The following GRIA3 variants were observed in gnomAD, a reference collection of about 807,000 sequenced individuals.
GRIA3 encodes glutamate ionotropic receptor AMPA type subunit 3.
In GRIA3, 3 loss-of-function variants were observed where a neutral mutation model predicts 63.0. That is an observed-to-expected ratio of 0.05 (90% CI 0.02 to 0.12). The LOEUF is 0.12. Ranked by LOEUF, GRIA3 falls within the 10% of genes least tolerant of loss-of-function variation. GRIA3 has a pLI of 1.00. For missense variants in GRIA3, 347 were observed against 700.9 expected, an observed-to-expected ratio of 0.50 and a Z score of 5.70; for synonymous variants, 274 against 257.9, an observed-to-expected ratio of 1.06 and a Z score of -0.60.
intron 3 of GRIA3, 56 bp from the exon 4 acceptor site, chrX:123,325,970 C>T (rs761157334): frequency 7.6e-5 from 76 of 1,006,173 alleles, no homozygotes; most frequent in Non-Finnish European, 9.5e-5. Context: ...TCAGTAGAAT[C>T]TTTAATACCT....
intron 14 of GRIA3, among the ~76,000 whole-genome samples, chrX:123,480,774 A>T (rs1325449675): frequency 9.0e-6 from 1 of 111,654 alleles, no homozygotes; most frequent in Non-Finnish European, 1.9e-5. Context: ...TCTCTCTTCC[A>T]AAGGTGTCAT....
chrX:123,238,370 A>C (rs1351422308), intron 2 of GRIA3, among the ~76,000 whole-genome samples: 1 of 111,169 alleles, frequency 9.0e-6, no homozygotes, highest in African/African-American at 3.3e-5. Context: ...TGAGAACAGG[A>C]AAAAGAATGA....
chrX:123,189,624 T>C (rs1927374422), intron 2 of GRIA3, among the ~76,000 whole-genome samples: 1 of 112,804 alleles, frequency 8.9e-6, no homozygotes, highest in African/African-American at 3.2e-5. Flanking sequence ...ACAAATGTGC[T>C]TGTGGATTAC....
intron 3 of GRIA3, among the ~76,000 whole-genome samples, chrX:123,320,624 T>C (rs1223638457): frequency 9.0e-6 from 1 of 111,693 alleles, no homozygotes. Flanking sequence ...GGAATTAAGT[T>C]CTGTCCACAC....
At chrX:123,198,328 C>T (rs1927629051) in intron 2 of GRIA3, among the ~76,000 whole-genome samples, 1 of 112,222 alleles carries the variant, frequency 8.9e-6, no homozygotes, top group Non-Finnish European at 1.9e-5. Flanking sequence ...TCAGTTCCAT[C>T]ATCTGTTCAA....
chrX:123,207,472 C>A (rs776154600), intron 2 of GRIA3, among the ~76,000 whole-genome samples: 2 of 111,691 alleles, frequency 1.8e-5, no homozygotes, highest in African/African-American at 3.3e-5. Flanking sequence ...CAGAGAAGAA[C>A]ACAGCCTGGC....
chrX:123,323,237 C>G (rs751957633), intron 3 of GRIA3, among the ~76,000 whole-genome samples: 1 of 111,678 alleles, frequency 9.0e-6, no homozygotes, highest in Non-Finnish European at 1.9e-5. Flanking sequence ...CATATAGAAA[C>G]ATATAGTTTC....
At chrX:123,225,353 T>C (rs1482141081) in intron 2 of GRIA3, among the ~76,000 whole-genome samples, 1 of 112,407 alleles carries the variant, frequency 8.9e-6, no homozygotes, top group South Asian at 3.7e-4. Context: ...ACCCAATAAA[T>C]GATTACTGAA....
intron 5 of GRIA3, among the ~76,000 whole-genome samples, chrX:123,379,010 G>A (rs73630705): frequency 0.021 from 2,346 of 110,172 alleles, 74 homozygotes; most frequent in African/African-American, 0.071. Flanking sequence ...ATTGTTGAAG[G>A]TTATTTTTGT....
chrX:123,340,296 C>G lies in GRIA3; in HGVS notation c.696+14083C>G, dbSNP rs181079132. The stretch of plus-strand genomic sequence containing the variant: ...GTTAATATTACTTCCCACCCTTCTT[C>G]CCAGTTTTTGGAGTCCTTTCCTTTC... On this transcript the variant is annotated intron_variant, in intron 4 of 15. Transcript: ENST00000620443. Among the ~76,000 whole-genome samples, 19 of 112,770 alleles carry G rather than the reference C, an allele frequency of 1.7e-4. No homozygotes were observed. In the East Asian group the frequency reaches 5.3e-3, roughly 31 times the overall value.
chrX:123,315,026 C>T (rs924986293), intron 3 of GRIA3, among the ~76,000 whole-genome samples: 11 of 111,427 alleles, frequency 9.9e-5, no homozygotes, highest in South Asian at 3.8e-4. Context: ...ATAAGAGTTT[C>T]GTTTGGATTG....
chrX:123,258,785 C>G (rs773896643), intron 3 of GRIA3, among the ~76,000 whole-genome samples: 1 of 112,049 alleles, frequency 8.9e-6, no homozygotes, highest in East Asian at 2.8e-4. Flanking sequence ...CATTCTCAAC[C>G]TGAAACTCCC....
chrX:123,259,319 G>A (rs1234952703), intron 3 of GRIA3, among the ~76,000 whole-genome samples: 1 of 111,533 alleles, frequency 9.0e-6, no homozygotes, highest in Non-Finnish European at 1.9e-5. Context: ...TCTGCATGTT[G>A]TCATTCTCCA....
At chrX:123,426,467 A>C (rs2045590321) in intron 11 of GRIA3, among the ~76,000 whole-genome samples, 1 of 111,724 alleles carries the variant, frequency 9.0e-6, no homozygotes, top group Non-Finnish European at 1.9e-5. Flanking sequence ...CCCAACCCCC[A>C]GGGTTATGAT....
At chrX:123,273,604 T>C (rs763255193) in intron 3 of GRIA3, among the ~76,000 whole-genome samples, 63 of 111,767 alleles carry the variant, frequency 5.6e-4, no homozygotes, top group African/African-American at 2.0e-3. Flanking sequence ...AAAGCAATGG[T>C]AACCCAAAAG....
chrX:123,466,122 C>T (rs1347979154), intron 13 of GRIA3, among the ~76,000 whole-genome samples: 2 of 111,778 alleles, frequency 1.8e-5, no homozygotes, highest in Non-Finnish European at 3.8e-5. Flanking sequence ...AGACTGTCCC[C>T]GCCTGCCTCA....
Position 123,207,038 on chromosome X carries a change from G to A in GRIA3, c.268+21048G>A, listed in dbSNP as rs1008000792. 3.6e-5 allele frequency among the ~76,000 whole-genome samples: 4 copies of A among 111,199 alleles called. No homozygotes were observed. The Admixed American group carries it at 3.8e-4, about 11-fold the overall frequency. ...CTGCAACAGGACTGCTCCCCTCTTTGGGGAAAATGTATGTGTCTGCAAGAT... is the reference window on the plus strand; with the variant it reads ...CTGCAACAGGACTGCTCCCCTCTTTAGGGAAAATGTATGTGTCTGCAAGAT... On this transcript the variant is annotated intron_variant, in intron 2 of 15. Transcript: ENST00000620443.
intron 3 of GRIA3, among the ~76,000 whole-genome samples, chrX:123,279,763 T>G (rs1043745720): frequency 9.0e-6 from 1 of 111,265 alleles, no homozygotes; most frequent in Non-Finnish European, 1.9e-5. Flanking sequence ...CCCAGCATGT[T>G]AATTTCCCAA....
At chrX:123,347,846 T>C (rs1353191237) in intron 4 of GRIA3, among the ~76,000 whole-genome samples, 1 of 112,178 alleles carries the variant, frequency 8.9e-6, no homozygotes, top group East Asian at 2.8e-4. Context: ...TAAAGAATTT[T>C]AGACTCTTAC....
Sources: gnomAD v4.1 joint callset for allele counts (sites outside exome capture counted in the v4.1 genomes callset) on GRCh38, gnomAD v4.1.1 for gene constraint, MANE v1.5 for transcripts, NCBI Gene and HGNC (gene_info 2026-07-23, HGNC 2026-07-21) for gene names.